SLC2A13: variants seen among roughly 807,000 people sequenced by gnomAD.
SLC2A13 encodes the protein proton myo-inositol cotransporter.
In SLC2A13, 32 loss-of-function variants were observed where a neutral mutation model predicts 64.4. The ratio of observed to expected loss-of-function variants is 0.50; its 90% CI spans 0.37 to 0.67. The LOEUF is 0.67. Among genes scored for constraint, SLC2A13 ranks in the 30% least tolerant of loss-of-function variants. SLC2A13 has a pLI of 0.00. For missense variants in SLC2A13, 743 were observed against 829.2 expected (o/e 0.90, Z 1.28); for synonymous variants, 338 against 327.1 (o/e 1.03, Z -0.36).
chr12:39,978,247 T>A (rs2136141809), intron 3 of SLC2A13, among the ~76,000 whole-genome samples: 1 of 152,160 alleles, frequency 6.6e-6, no homozygotes, highest in East Asian at 1.9e-4. Flanking sequence ...ATGGAAGAAC[T>A]CTTAATTGGT....
chr12:40,027,960 T>C (rs1364265416), intron 3 of SLC2A13, among the ~76,000 whole-genome samples: 2 of 152,182 alleles, frequency 1.3e-5, no homozygotes, highest in African/African-American at 4.8e-5. Context: ...AATATTTTAA[T>C]GGAAAGAGGG....
At chr12:40,026,869 C>G (rs919999754) in intron 3 of SLC2A13, among the ~76,000 whole-genome samples, 8 of 152,170 alleles carry the variant, frequency 5.3e-5, no homozygotes, top group African/African-American at 2.4e-5. Context: ...CACCAGAGGT[C>G]AGGAGTTCAA....
rs1320908874 is a variant in SLC2A13 at position 40,053,370 on chromosome 12, G to T, written c.557-5160C>A. Among the ~76,000 whole-genome samples the T allele has an allele frequency of 2.6e-5, 4 of 151,134 alleles. No individual in the cohort carries two copies. In the East Asian group the frequency reaches 7.8e-4, roughly 29 times the overall value. ...CCCCTATGAAAGGTAATGATGCCCA[G>T]CCCCAGAGACAGATATAAAGAGATT... On this transcript the variant is annotated intron_variant, in intron 1 of 9. Coordinates refer to ENST00000280871, the MANE Select transcript of SLC2A13 (RefSeq NM_052885.4).
intron 4 of SLC2A13, among the ~76,000 whole-genome samples, chr12:39,946,402 G>C (rs1024442729): frequency 1.3e-5 from 2 of 152,200 alleles, no homozygotes; most frequent in Non-Finnish European, 2.9e-5. Context: ...GGGACTGGCA[G>C]TGGGCAGAGC....
Position 39,830,182 on chromosome 12 carries a change from T to G in SLC2A13, c.1366A>C (p.Lys456Gln). ...TCAATGACAGTTGATTTGTTCATCT[T>G]GTAGCAGAAACCGCAGTCTGGATCC... ...MLDPDCGFCY[K>Q]MNKSTVIDSS... is the part of the protein sequence containing the mutation. The change falls in exon 7 of 10, where the codon AAG becomes CAG. Residue 456 changes from lysine (K) to glutamine (Q), a missense_variant. Around this residue, in one of 2 missense-constraint regions of SLC2A13, gnomAD observed 295 missense variants for 381.7 expected, o/e 0.77. Transcript: ENST00000280871. The G allele has an allele frequency of 1.9e-6, 3 of 1,613,742 alleles. No individual in the cohort carries two copies. Among genetic ancestry groups the G allele is most frequent in the Non-Finnish European group, 2.5e-6 (3 of 1,179,784 alleles).
intron 6 of SLC2A13, among the ~76,000 whole-genome samples, chr12:39,836,306 G>T (rs1943001958): frequency 6.6e-6 from 1 of 152,034 alleles, no homozygotes; most frequent in Non-Finnish European, 1.5e-5. Flanking sequence ...CTCAAATAGA[G>T]GAAATTAGAG....
intron 4 of SLC2A13, among the ~76,000 whole-genome samples, chr12:39,916,705 C>T (rs879719653): frequency 6.6e-6 from 1 of 152,108 alleles, no homozygotes; most frequent in Non-Finnish European, 1.5e-5. Context: ...TTATCAAAAG[C>T]ACAGTAATAA....
intron 4 of SLC2A13, among the ~76,000 whole-genome samples, chr12:39,942,650 T>C (rs541259248): frequency 5.3e-5 from 8 of 152,160 alleles, no homozygotes; most frequent in Admixed American, 3.3e-4. Context: ...TTAGCAATTA[T>C]TTCCTCTAAC....
At chr12:40,092,693 TAAG>T (rs1165747474) in intron 1 of SLC2A13, among the ~76,000 whole-genome samples, 1 of 152,210 alleles carries the variant, frequency 6.6e-6, no homozygotes, top group Non-Finnish European at 1.5e-5. Context: ...GATTGGCTGC[TAAG>T]AAGAGAATAA....
At chr12:39,863,487 T>A (rs1180673094) in intron 6 of SLC2A13, among the ~76,000 whole-genome samples, 1 of 152,192 alleles carries the variant, frequency 6.6e-6, no homozygotes, top group Non-Finnish European at 1.5e-5. Flanking sequence ...CTGGAGAATA[T>A]TCTATGATTC....
At chr12:39,995,403 T>C (rs1591989766) in intron 3 of SLC2A13, among the ~76,000 whole-genome samples, 2 of 152,068 alleles carry the variant, frequency 1.3e-5, no homozygotes, top group African/African-American at 4.8e-5. Flanking sequence ...TCTTCTCATT[T>C]CCCCTCCCCG....
In SLC2A13 at chr12:39,871,809, C is replaced by G; in HGVS notation, c.1187G>C (p.Gly396Ala). Reference sequence around the variant, plus strand: ...ATCCAGCCACCTACCTGCTAAACTACCAAAGGTAAGCTTTCTGCGGCCCAC... The same window carrying G: ...ATCCAGCCACCTACCTGCTAAACTAGCAAAGGTAAGCTTTCTGCGGCCCAC... ...EKVGRRKLTF[G>A]SLAGTTVALI... Residue 396 changes from glycine (G) to alanine (A), a missense_variant, in exon 5 of 10, where the codon GGT becomes GCT. Coordinates refer to ENST00000280871, the MANE Select transcript of SLC2A13 (RefSeq NM_052885.4). The G allele has an allele frequency of 6.2e-7, 1 of 1,603,978 alleles. No homozygotes were observed. Among genetic ancestry groups the G allele is most frequent in the Non-Finnish European group, 8.5e-7 (1 of 1,175,950 alleles).
At chr12:40,030,528 A>G (rs1363778175) in intron 2 of SLC2A13, among the ~76,000 whole-genome samples, 2 of 152,204 alleles carry the variant, frequency 1.3e-5, no homozygotes, top group Non-Finnish European at 1.5e-5. Context: ...TGTTTCATTT[A>G]TCTACACTTC....
At chr12:39,817,921 A>T (rs1042750649) in intron 7 of SLC2A13, among the ~76,000 whole-genome samples, 3 of 152,202 alleles carry the variant, frequency 2.0e-5, no homozygotes, top group Admixed American at 2.0e-4. Flanking sequence ...AGCTTCCAGG[A>T]TACACATTCC....
intron 2 of SLC2A13, among the ~76,000 whole-genome samples, chr12:40,040,273 T>C (rs1948062363): frequency 6.6e-6 from 1 of 152,272 alleles, no homozygotes; most frequent in Non-Finnish European, 1.5e-5. Flanking sequence ...GTGAGACTAT[T>C]AGAGCTTAGA....
intron 9 of SLC2A13, among the ~76,000 whole-genome samples, chr12:39,763,884 G>A (rs559978267): frequency 2.6e-5 from 4 of 152,058 alleles, no homozygotes; most frequent in African/African-American, 4.8e-5. Context: ...GAATACTTCC[G>A]TCATGTTTAC....
chr12:40,099,091 G>T (rs1448697919), intron 1 of SLC2A13, among the ~76,000 whole-genome samples: 1 of 152,216 alleles, frequency 6.6e-6, no homozygotes, highest in Non-Finnish European at 1.5e-5. Flanking sequence ...GGCCTAACTA[G>T]AAAGCATGTA....
intron 4 of SLC2A13, among the ~76,000 whole-genome samples, chr12:39,939,616 G>T (rs1945984043): frequency 6.6e-6 from 1 of 152,168 alleles, no homozygotes; most frequent in Non-Finnish European, 1.5e-5. Flanking sequence ...CCATAACCTA[G>T]ATTGTCTTTC....
chr12:39,998,504 G>A lies in SLC2A13; in HGVS notation c.925+29797C>T, dbSNP rs576635301. Among the ~76,000 whole-genome samples, 23 of 152,316 alleles carry A rather than the reference G, an allele frequency of 1.5e-4. No individual in the cohort carries two copies. In the South Asian group the frequency reaches 2.5e-3, roughly 16 times the overall value. ...GGATGTGAGACATGGAGTCAAAGGA[G>A]ATCATTTTGGAGCTTTAAATATTTG... On this transcript the variant is annotated intron_variant, in intron 3 of 9. Coordinates refer to ENST00000280871, the MANE Select transcript of SLC2A13 (RefSeq NM_052885.4).
Sources: gnomAD v4.1 joint callset for allele counts (sites outside exome capture counted in the v4.1 genomes callset) on GRCh38, gnomAD v4.1.1 for gene constraint, gnomAD v4.1.1 regional missense constraint, MANE v1.5 for transcripts, NCBI Gene and HGNC (gene_info 2026-07-23, HGNC 2026-07-21) for gene names.